BNC2: variants seen among roughly 807,000 people sequenced by gnomAD.
BNC2 encodes zinc finger protein basonuclin-2.
In BNC2, 20 loss-of-function variants were observed where a neutral mutation model predicts 76.3. The observed-to-expected ratio is 0.26, with a 90% CI of 0.18 to 0.38. The LOEUF is 0.38. BNC2 is among the 10% of genes least tolerant of loss of function. The probability of loss-of-function intolerance (pLI) is 1.00; values close to 1 mark genes in which losing one functional copy is unlikely to be tolerated. For synonymous variants in BNC2, 582 were observed against 514.8 expected, an observed-to-expected ratio of 1.13 and a Z score of -1.77; for missense variants, 1,382 against 1,399.8, an observed-to-expected ratio of 0.99 and a Z score of 0.20.
At chr9:16,802,896 C>T (rs1054972950) in intron 1 of BNC2, among the ~76,000 whole-genome samples, 4 of 152,190 alleles carry the variant, frequency 2.6e-5, no homozygotes, top group Non-Finnish European at 4.4e-5. Context: ...AATAAAGACA[C>T]GCAACTTTGT....
At chr9:16,649,054 T>C (rs758113782) in intron 3 of BNC2, among the ~76,000 whole-genome samples, 5 of 152,226 alleles carry the variant, frequency 3.3e-5, no homozygotes, top group Non-Finnish European at 7.3e-5. Flanking sequence ...GATATGTAAG[T>C]GTGTGAATGC....
intron 3 of BNC2, among the ~76,000 whole-genome samples, chr9:16,649,673 T>C (rs1015762515): frequency 6.6e-6 from 1 of 152,214 alleles, no homozygotes; most frequent in African/African-American, 2.4e-5. Context: ...TATGTTCAAG[T>C]GGCACAATCT....
intron 1 of BNC2, among the ~76,000 whole-genome samples, chr9:16,857,737 A>C (rs1273904366): frequency 1.3e-5 from 2 of 152,250 alleles, no homozygotes; most frequent in Non-Finnish European, 1.5e-5. Flanking sequence ...AATAACTGGC[A>C]AAAGGCCAGA....
At chr9:16,610,504 A>G (rs1249524418) in intron 3 of BNC2, among the ~76,000 whole-genome samples, 1 of 152,222 alleles carries the variant, frequency 6.6e-6, no homozygotes, top group Non-Finnish European at 1.5e-5. Flanking sequence ...TATCAGGGTT[A>G]TAAGGGTCTA....
intron 3 of BNC2, among the ~76,000 whole-genome samples, chr9:16,631,837 C>T (rs1346499789): frequency 6.6e-6 from 1 of 152,076 alleles, no homozygotes; most frequent in African/African-American, 2.4e-5. Context: ...TTTAGAACAA[C>T]TTCAGAAAAA....
chr9:16,463,209 A>T (rs980485769), intron 5 of BNC2, among the ~76,000 whole-genome samples: 1 of 152,156 alleles, frequency 6.6e-6, no homozygotes, highest in Non-Finnish European at 1.5e-5. Context: ...AGAGTGAATG[A>T]CAGCACGTTC....
intron 1 of BNC2, among the ~76,000 whole-genome samples, chr9:16,861,279 A>G (rs987254364): frequency 2.7e-5 from 4 of 150,902 alleles, no homozygotes; most frequent in Admixed American, 6.6e-5. Context: ...TCTTGAGCCC[A>G]GGAGTTCAAG....
intron 4 of BNC2, among the ~76,000 whole-genome samples, chr9:16,574,854 C>T (rs570314820): frequency 6.6e-5 from 10 of 152,080 alleles, no homozygotes; most frequent in South Asian, 2.1e-4. Flanking sequence ...TATTATTATC[C>T]GAATTTCTCG....
intron 5 of BNC2, among the ~76,000 whole-genome samples, chr9:16,508,894 C>A (rs752028932): frequency 6.0e-5 from 9 of 150,926 alleles, no homozygotes; most frequent in Non-Finnish European, 1.0e-4. Flanking sequence ...ACAATTAGCT[C>A]ATTGTAACCT....
chr9:16,569,079 T>C (rs1303208199), intron 4 of BNC2, among the ~76,000 whole-genome samples: 2 of 150,866 alleles, frequency 1.3e-5, no homozygotes, highest in Non-Finnish European at 2.9e-5. Flanking sequence ...AGTGTGGTGA[T>C]AAAAACTGTC....
intron 3 of BNC2, among the ~76,000 whole-genome samples, chr9:16,610,499 G>T (rs570144875): frequency 9.2e-5 from 14 of 152,252 alleles, no homozygotes; most frequent in African/African-American, 3.4e-4. Context: ...TAATTTATCA[G>T]GGTTATAAGG....
intron 3 of BNC2, chr9:16,626,488 A>G (rs1820996143): frequency 6.6e-6 from 1 of 152,144 alleles, no homozygotes; most frequent in Non-Finnish European, 1.5e-5. Context: ...TCCCCTCATT[A>G]TTTCAACCAC....
chr9:16,804,669 A>T (rs1050234508), intron 1 of BNC2, among the ~76,000 whole-genome samples: 3 of 152,222 alleles, frequency 2.0e-5, no homozygotes, highest in African/African-American at 7.2e-5. Flanking sequence ...CAGAATGAAC[A>T]GCCACTCAAA....
chr9:16,607,564 A>G (rs1220593266), intron 3 of BNC2, among the ~76,000 whole-genome samples: 2 of 152,232 alleles, frequency 1.3e-5, no homozygotes, highest in African/African-American at 4.8e-5. Flanking sequence ...CAAAGCAAAA[A>G]AAGTTTTGGT....
At chr9:16,513,821 T>C (rs1277663999) in intron 5 of BNC2, among the ~76,000 whole-genome samples, 1 of 152,048 alleles carries the variant, frequency 6.6e-6, no homozygotes, top group African/African-American at 2.4e-5. Flanking sequence ...ACAGGTGAAA[T>C]ACTATGAATG....
chr9:16,783,188 T>C (rs962010903), intron 1 of BNC2, among the ~76,000 whole-genome samples: 2 of 152,216 alleles, frequency 1.3e-5, no homozygotes, highest in African/African-American at 4.8e-5. Context: ...AAATAGATTA[T>C]ACCACATTTC....
At chr9:16,544,437 T>G (rs1162159904) in intron 5 of BNC2, among the ~76,000 whole-genome samples, 1 of 152,206 alleles carries the variant, frequency 6.6e-6, no homozygotes, top group Non-Finnish European at 1.5e-5. Flanking sequence ...AATCATTCAT[T>G]CTGTGCCAGA....
At chr9:16,784,135 CAAA>C (rs772291677) in intron 1 of BNC2, among the ~76,000 whole-genome samples, 7 of 152,084 alleles carry the variant, frequency 4.6e-5, no homozygotes, top group Non-Finnish European at 7.4e-5. Flanking sequence ...TCTTCTTAGT[CAAA>C]AAGACTTTCC....
At chr9:16,833,358 C>T (rs1299559600) in intron 1 of BNC2, among the ~76,000 whole-genome samples, 2 of 152,112 alleles carry the variant, frequency 1.3e-5, no homozygotes, top group Non-Finnish European at 2.9e-5. Flanking sequence ...AAAGTAAAGA[C>T]CCACTTTGAG....
Sources: gnomAD v4.1 joint callset for allele counts (sites outside exome capture counted in the v4.1 genomes callset) on GRCh38, gnomAD v4.1.1 for gene constraint, MANE v1.5 for transcripts, NCBI Gene and HGNC (gene_info 2026-07-23, HGNC 2026-07-21) for gene names.